Variants in NALF1 observed in about 807,000 individuals in gnomAD.
NALF1 encodes the protein family with sequence similarity 155 member A.
In NALF1, 3 loss-of-function variants were observed where a neutral mutation model predicts 48.4. That is an observed-to-expected ratio of 0.06 (90% CI 0.03 to 0.16). The LOEUF (loss-of-function observed/expected upper bound fraction) is 0.16, where lower values mean the gene tolerates loss of function less well. NALF1 is among the 10% of genes least tolerant of loss of function. The pLI is 1.00. For missense variants in NALF1, 526 were observed against 571.5 expected (o/e 0.92, Z 0.81); for synonymous variants, 262 against 245.7 (o/e 1.07, Z -0.62).
At chr13:107,520,193 A>T (rs1876191355) in intron 1 of NALF1, among the ~76,000 whole-genome samples, 1 of 152,160 alleles carries the variant, frequency 6.6e-6, no homozygotes, top group East Asian at 1.9e-4. Flanking sequence ...TGTTTTCTAT[A>T]TGTATAAGAA....
chr13:107,752,341 CTATT>C (rs1240699477), intron 1 of NALF1, among the ~76,000 whole-genome samples: 3 of 151,976 alleles, frequency 2.0e-5, no homozygotes, highest in African/African-American at 7.2e-5. Context: ...AAATTTTAAA[CTATT>C]TAATTAACAA....
intron 1 of NALF1, among the ~76,000 whole-genome samples, chr13:107,346,478 G>A (rs1174135066): frequency 6.6e-6 from 1 of 152,168 alleles, no homozygotes; most frequent in African/African-American, 2.4e-5. Flanking sequence ...CTACAACATG[G>A]ATAAACCTTG....
chr13:107,378,528 AT>A (rs575114263), intron 1 of NALF1, among the ~76,000 whole-genome samples: 293 of 152,282 alleles, frequency 1.9e-3, no homozygotes, highest in African/African-American at 6.6e-3. Flanking sequence ...GTATTCTGAA[AT>A]AGAAGTCAAT....
At chr13:107,602,901 T>G (rs776074180) in intron 1 of NALF1, among the ~76,000 whole-genome samples, 7 of 152,196 alleles carry the variant, frequency 4.6e-5, no homozygotes, top group Non-Finnish European at 8.8e-5. Context: ...TTTATCTTCT[T>G]GAGTAATTTT....
intron 2 of NALF1, among the ~76,000 whole-genome samples, chr13:107,180,349 G>A (rs769163263): frequency 1.6e-4 from 24 of 151,832 alleles, no homozygotes; most frequent in Non-Finnish European, 2.2e-4. Flanking sequence ...AAATATTTTC[G>A]TTATATCTAA....
intron 1 of NALF1, among the ~76,000 whole-genome samples, chr13:107,451,643 G>C (rs1258575539): frequency 6.6e-6 from 1 of 152,104 alleles, no homozygotes; most frequent in Non-Finnish European, 1.5e-5. Flanking sequence ...CACTTGTGCT[G>C]TATACTCGAA....
At chr13:107,558,334 G>T (rs886180119) in intron 1 of NALF1, among the ~76,000 whole-genome samples, 1 of 151,726 alleles carries the variant, frequency 6.6e-6, no homozygotes, top group African/African-American at 2.4e-5. Flanking sequence ...TTTTTTAGAA[G>T]TAAGCTCTTC....
chr13:107,793,334 A>C (rs116149747), intron 1 of NALF1, among the ~76,000 whole-genome samples: 3,609 of 152,264 alleles, frequency 0.024, 150 homozygotes, highest in African/African-American at 0.083. Context: ...CAACAGTGAA[A>C]AATTCACATT....
chr13:107,486,942 A>C (rs951980625), intron 1 of NALF1, among the ~76,000 whole-genome samples: 2 of 152,206 alleles, frequency 1.3e-5, no homozygotes, highest in African/African-American at 4.8e-5. Flanking sequence ...TTATCAGTCC[A>C]TAAAGATTCT....
intron 2 of NALF1, among the ~76,000 whole-genome samples, chr13:107,194,651 A>G (rs1335861709): frequency 1.3e-5 from 2 of 152,210 alleles, no homozygotes; most frequent in Non-Finnish European, 2.9e-5. Flanking sequence ...ACTCTTCTAG[A>G]CATTGGCTTA....
At chr13:107,750,876 C>A (rs1471979934) in intron 1 of NALF1, among the ~76,000 whole-genome samples, 2 of 152,164 alleles carry the variant, frequency 1.3e-5, no homozygotes, top group African/African-American at 4.8e-5. Flanking sequence ...CTCCCCAACC[C>A]TGCCCCCACA....
At chr13:107,834,756 A>T (rs1013848718) in intron 1 of NALF1, among the ~76,000 whole-genome samples, 1 of 152,222 alleles carries the variant, frequency 6.6e-6, no homozygotes, top group Admixed American at 6.5e-5. Flanking sequence ...AAGGTATGGT[A>T]TGCAATTTAA....
Position 107,797,837 on chromosome 13 carries a change from A to T in NALF1, c.915+67845T>A, listed in dbSNP as rs900339153. Among the ~76,000 whole-genome samples, 9 of 152,314 alleles carry T rather than the reference A, an allele frequency of 5.9e-5. No homozygotes were observed. In the East Asian group the frequency reaches 1.7e-3, roughly 29 times the overall value. ...GAATCAATCTTATATTTGAATAACA[A>T]ATGTGAACCATACTTTTTGTTATTT... is the stretch of plus-strand genomic sequence containing the variant. On this transcript the variant is annotated intron_variant, in intron 1 of 2. Coordinates refer to ENST00000375915, the MANE Select transcript of NALF1 (RefSeq NM_001080396.3).
intron 2 of NALF1, among the ~76,000 whole-genome samples, chr13:107,201,262 G>A (rs1197187861): frequency 6.6e-6 from 1 of 152,114 alleles, no homozygotes; most frequent in African/African-American, 2.4e-5. Flanking sequence ...ATAGGCCTTG[G>A]AAGAGATCAG....
chr13:107,564,856 T>A (rs1877748533), intron 1 of NALF1, among the ~76,000 whole-genome samples: 1 of 151,860 alleles, frequency 6.6e-6, no homozygotes, highest in Admixed American at 6.6e-5. Flanking sequence ...TAAGAGCCAT[T>A]AGGGACCTCA....
chr13:107,769,974 G>A (rs1004623419), intron 1 of NALF1, among the ~76,000 whole-genome samples: 2 of 152,090 alleles, frequency 1.3e-5, no homozygotes, highest in Non-Finnish European at 2.9e-5. Context: ...GTGCAGTGGC[G>A]CGGTCTCGGC....
intron 1 of NALF1, among the ~76,000 whole-genome samples, chr13:107,734,230 A>G (rs1323812276): frequency 6.6e-6 from 1 of 152,118 alleles, no homozygotes. Flanking sequence ...ATGACCGTCT[A>G]CGATAATGAA....
At chr13:107,819,101 GACCATGAGTAA>G in intron 1 of NALF1, among the ~76,000 whole-genome samples, 1 of 152,094 alleles carries the variant, frequency 6.6e-6, no homozygotes, top group Non-Finnish European at 1.5e-5. Context: ...TTGTAATGTT[GACCATGAGTAA>G]ATACTTTATA....
At chr13:107,340,679 G>A (rs1254457001) in intron 1 of NALF1, among the ~76,000 whole-genome samples, 2 of 151,812 alleles carry the variant, frequency 1.3e-5, no homozygotes, top group Non-Finnish European at 2.9e-5. Context: ...CAACTCCACT[G>A]TCTCCTTTTC....
Sources: allele counts gnomAD v4.1 joint callset (sites outside exome capture counted in the v4.1 genomes callset), GRCh38; gene constraint gnomAD v4.1.1; transcripts MANE v1.5; gene names NCBI Gene and HGNC (gene_info 2026-07-23, HGNC 2026-07-21).